The following ADK variants were observed in gnomAD, a reference collection of about 807,000 sequenced individuals.
ADK encodes the protein N6,N6-dimethyladenosine kinase.
A neutral mutation model predicts 44.7 loss-of-function variants in ADK; 24 were observed. The ratio of observed to expected loss-of-function variants is 0.54; its 90% CI spans 0.39 to 0.76. ADK has a LOEUF of 0.76. Among genes scored for constraint, ADK ranks in the 30% least tolerant of loss-of-function variants. ADK has a pLI of 0.00. For missense variants in ADK, 321 were observed against 425.1 expected (o/e 0.76, Z 2.15); for synonymous variants, 128 against 142.6 (o/e 0.90, Z 0.73).
chr10:74,440,909 A>G (rs10824182), intron 6 of ADK, among the ~76,000 whole-genome samples: 92,387 of 151,980 alleles, frequency 0.61, 30,465 homozygotes, highest in Middle Eastern at 0.78. Context: ...CAATGTGACC[A>G]ATACAAAGAT....
chr10:74,531,560 G>A (rs1162979161), intron 7 of ADK, among the ~76,000 whole-genome samples: 1 of 151,922 alleles, frequency 6.6e-6, no homozygotes, highest in Non-Finnish European at 1.5e-5. Context: ...TTGAGACAAG[G>A]TCTCACTCTC....
chr10:74,287,316 T>C (rs1159511360), intron 3 of ADK, among the ~76,000 whole-genome samples: 1 of 151,980 alleles, frequency 6.6e-6, no homozygotes, highest in Non-Finnish European at 1.5e-5. Flanking sequence ...TACAAAAAAT[T>C]AGTGGGGCGT....
intron 10 of ADK, among the ~76,000 whole-genome samples, chr10:74,675,135 G>C (rs1460257808): frequency 6.6e-6 from 1 of 151,894 alleles, no homozygotes; most frequent in East Asian, 1.9e-4. Context: ...CTATATTTTA[G>C]TCCACTTTGT....
At chr10:74,585,166 C>T (rs1318692360) in intron 7 of ADK, among the ~76,000 whole-genome samples, 2 of 152,100 alleles carry the variant, frequency 1.3e-5, no homozygotes, top group Non-Finnish European at 2.9e-5. Context: ...TTTCCCTAAC[C>T]TCCATTCAAA....
At chr10:74,153,010 G>T (rs1251999038) in intron 1 of ADK, among the ~76,000 whole-genome samples, 1 of 151,860 alleles carries the variant, frequency 6.6e-6, no homozygotes, top group African/African-American at 2.4e-5. Flanking sequence ...TTTGCTTTCA[G>T]ACTCAAAGTG....
chr10:74,434,029 A>T (rs1845098166), intron 6 of ADK, among the ~76,000 whole-genome samples: 1 of 152,182 alleles, frequency 6.6e-6, no homozygotes, highest in Non-Finnish European at 1.5e-5. Flanking sequence ...GTGGTGAAGT[A>T]AAATGAGGTA....
intron 4 of ADK, among the ~76,000 whole-genome samples, chr10:74,355,147 A>C (rs921186640): frequency 2.0e-5 from 3 of 152,102 alleles, no homozygotes; most frequent in Non-Finnish European, 4.4e-5. Flanking sequence ...TTATTTGTCT[A>C]TCTGAAGAGT....
At chr10:74,596,101 G>A (rs73276249) in intron 8 of ADK, among the ~76,000 whole-genome samples, 3,727 of 151,492 alleles carry the variant, frequency 0.025, 134 homozygotes, top group African/African-American at 0.074. Flanking sequence ...GGAATGACTT[G>A]TGAATGTGGT....
At chr10:74,392,283 T>C (rs1452254251) in intron 4 of ADK, among the ~76,000 whole-genome samples, 2 of 152,208 alleles carry the variant, frequency 1.3e-5, no homozygotes, top group East Asian at 1.9e-4. Flanking sequence ...CCACCAACAC[T>C]GCACAAGGGT....
At chr10:74,560,355 A>G (rs368212247) in intron 7 of ADK, among the ~76,000 whole-genome samples, 2 of 152,304 alleles carry the variant, frequency 1.3e-5, no homozygotes, top group African/African-American at 2.4e-5. Context: ...TGTGTTTCAT[A>G]TGGGTCTAAT....
intron 7 of ADK, among the ~76,000 whole-genome samples, chr10:74,580,745 C>T (rs1292686426): frequency 6.6e-6 from 1 of 152,142 alleles, no homozygotes. Flanking sequence ...ACTGCCCAGT[C>T]TTGGGTATGT....
intron 10 of ADK, among the ~76,000 whole-genome samples, chr10:74,689,249 A>T (rs896181045): frequency 2.0e-5 from 3 of 151,874 alleles, no homozygotes; most frequent in Non-Finnish European, 4.4e-5. Flanking sequence ...ACTCTATCTC[A>T]AAATAAATAA....
intron 6 of ADK, among the ~76,000 whole-genome samples, chr10:74,401,554 A>T (rs190647721): frequency 2.5e-4 from 37 of 150,404 alleles, no homozygotes; most frequent in African/African-American, 7.5e-4. Context: ...AGAGACTAGG[A>T]TTGCAACCCC....
At chr10:74,689,373 C>G (rs1442720942) in intron 10 of ADK, among the ~76,000 whole-genome samples, 1 of 152,032 alleles carries the variant, frequency 6.6e-6, no homozygotes, top group Non-Finnish European at 1.5e-5. Flanking sequence ...AGTACAGATA[C>G]AAAAAATTTA....
chr10:74,254,661 G>A (rs1845760625), intron 3 of ADK, among the ~76,000 whole-genome samples: 1 of 151,956 alleles, frequency 6.6e-6, no homozygotes, highest in African/African-American at 2.4e-5. Context: ...CAGAGTTTGT[G>A]TAGTGAATGT....
At chr10:74,636,557 A>G (rs1034213896) in intron 9 of ADK, among the ~76,000 whole-genome samples, 9 of 152,330 alleles carry the variant, frequency 5.9e-5, no homozygotes, top group Admixed American at 2.0e-4. Context: ...TTAATTCTAC[A>G]TCTACACAGA....
At chr10:74,159,312 G>A (rs1357444777) in intron 1 of ADK, among the ~76,000 whole-genome samples, 1 of 152,122 alleles carries the variant, frequency 6.6e-6, no homozygotes, top group Non-Finnish European at 1.5e-5. Context: ...CAACAGTTTG[G>A]TTACTGTATT....
chr10:74,357,262 G>A (rs947883412), intron 4 of ADK, among the ~76,000 whole-genome samples: 4 of 152,122 alleles, frequency 2.6e-5, no homozygotes, highest in Admixed American at 6.5e-5. Context: ...GAACGAATGC[G>A]GCAGATTGAA....
At position 74,323,418 on chromosome 10, in the gene ADK, A is replaced by G. The variant is rs114181055; in HGVS notation, c.273+8673A>G. ...TTCTGACTTACGTTCGAATTAATAC[A>G]CATTTCCTTCTTCTTTAAGCAACTT... On this transcript the variant is annotated intron_variant, in intron 4 of 10. Transcript: ENST00000539909. Among the ~76,000 whole-genome samples the G allele has an allele frequency of 8.7e-3, 1,322 of 152,302 alleles. 23 individuals carry two copies. Among genetic ancestry groups the G allele is most frequent in the African/African-American group, 0.03 (1,237 of 41,558 alleles).
Sources: allele counts gnomAD v4.1 joint callset (sites outside exome capture counted in the v4.1 genomes callset), GRCh38; gene constraint gnomAD v4.1.1; transcripts MANE v1.5; gene names NCBI Gene and HGNC (gene_info 2026-07-23, HGNC 2026-07-21).